The following THSD7B variants were observed in gnomAD, a reference collection of about 807,000 sequenced individuals.
THSD7B encodes thrombospondin type 1 domain containing 7B, also known as thrombospondin type-1 domain-containing protein 7B.
Under a neutral mutation model 213.6 loss-of-function variants are expected in THSD7B, and 138 were observed. The ratio of observed to expected loss-of-function variants is 0.65; its 90% confidence interval spans 0.56 to 0.74. The LOEUF is 0.74. THSD7B is among the 30% of genes least tolerant of loss of function. The pLI is 0.00. For missense variants in THSD7B, 1,931 were observed against 1,991.5 expected (o/e 0.97, Z 0.58); for synonymous variants, 742 against 687.0 (o/e 1.08, Z -1.25).
chr2:137,166,660 A>G (rs912548691), intron 6 of THSD7B, among the ~76,000 whole-genome samples: 14 of 152,206 alleles, frequency 9.2e-5, no homozygotes, highest in African/African-American at 3.1e-4. Flanking sequence ...ATGCTCTTAA[A>G]CAAATTAGAT....
intron 2 of THSD7B, among the ~76,000 whole-genome samples, chr2:137,027,282 G>A (rs1573774986): frequency 6.6e-6 from 1 of 152,242 alleles, no homozygotes; most frequent in East Asian, 1.9e-4. Flanking sequence ...TCTAGGGAAG[G>A]TCTTTCTGGT....
intron 15 of THSD7B, among the ~76,000 whole-genome samples, chr2:137,555,467 C>T (rs557707035): frequency 6.6e-6 from 1 of 152,326 alleles, no homozygotes; most frequent in African/African-American, 2.4e-5. Context: ...CTCCAACAGA[C>T]CTGCAGCTGA....
chr2:137,028,942 A>G (rs1347313358), intron 2 of THSD7B, among the ~76,000 whole-genome samples: 1 of 152,186 alleles, frequency 6.6e-6, no homozygotes, highest in Non-Finnish European at 1.5e-5. Flanking sequence ...CTCCAAGCAA[A>G]GAAAACCCCT....
rs560405717 is a variant in THSD7B, at chr2:137,254,916, G to T, written c.2266+12344G>T. ...GTGTGTATGTGTGTATGTCGAGACA[G>T]AGAAAGAGTGAGGGGGGGCTCTCAT... On this transcript the variant is annotated intron_variant, in intron 10 of 27. Transcript: ENST00000409968. 2.0e-5 allele frequency among the ~76,000 whole-genome samples: 3 copies of T among 152,068 alleles called. No individual in the cohort carries two copies. In the South Asian group the frequency reaches 6.2e-4, roughly 32 times the overall value.
At chr2:137,189,860 C>T (rs1450128499) in intron 7 of THSD7B, among the ~76,000 whole-genome samples, 1 of 152,072 alleles carries the variant, frequency 6.6e-6, no homozygotes, top group Non-Finnish European at 1.5e-5. Context: ...GTTGAGCTTC[C>T]TTCTTATATA....
At chr2:137,411,110 A>G (rs1686641829) in intron 13 of THSD7B, among the ~76,000 whole-genome samples, 1 of 152,244 alleles carries the variant, frequency 6.6e-6, no homozygotes, top group South Asian at 2.1e-4. Context: ...ATTTATTTCA[A>G]TTTATTGTTT....
intron 15 of THSD7B, among the ~76,000 whole-genome samples, chr2:137,451,308 T>A (rs1033701381): frequency 1.3e-5 from 2 of 151,732 alleles, no homozygotes; most frequent in African/African-American, 2.4e-5. Flanking sequence ...TTTGATATTT[T>A]AAAAGTTGGA....
intron 9 of THSD7B, among the ~76,000 whole-genome samples, chr2:137,236,094 T>G (rs1447386181): frequency 6.6e-6 from 1 of 152,164 alleles, no homozygotes; most frequent in African/African-American, 2.4e-5. Context: ...CAGAAATATA[T>G]TTTTGCTCTT....
intron 5 of THSD7B, among the ~76,000 whole-genome samples, chr2:137,145,599 G>A (rs1352208376): frequency 6.6e-6 from 1 of 151,958 alleles, no homozygotes; most frequent in Admixed American, 6.6e-5. Flanking sequence ...TCCATTGAGA[G>A]CCCCCCATGC....
chr2:136,864,818 T>C (rs1200985576), intron 1 of THSD7B, among the ~76,000 whole-genome samples: 7 of 152,148 alleles, frequency 4.6e-5, no homozygotes, highest in South Asian at 2.1e-4. Flanking sequence ...TCCCAAAGTG[T>C]TGGGATTACA....
chr2:137,235,134 G>A (rs1015231812), intron 9 of THSD7B, among the ~76,000 whole-genome samples: 1 of 152,126 alleles, frequency 6.6e-6, no homozygotes, highest in Non-Finnish European at 1.5e-5. Context: ...TTTTATAAAG[G>A]TGTTACGCAG....
chr2:136,851,271 A>G (rs1239092285), intron 1 of THSD7B, among the ~76,000 whole-genome samples: 1 of 152,068 alleles, frequency 6.6e-6, no homozygotes, highest in African/African-American at 2.4e-5. Context: ...CTCATCTGCT[A>G]TAAGTATTCT....
chr2:137,352,852 CT>C (rs907016182), intron 12 of THSD7B, among the ~76,000 whole-genome samples: 1 of 151,856 alleles, frequency 6.6e-6, no homozygotes, highest in African/African-American at 2.4e-5. Context: ...ATAAATTCCT[CT>C]TTTTAAAGCA....
intron 12 of THSD7B, among the ~76,000 whole-genome samples, chr2:137,370,513 G>C (rs1170202409): frequency 6.6e-6 from 1 of 152,152 alleles, no homozygotes; most frequent in Non-Finnish European, 1.5e-5. Flanking sequence ...CTGTTGCCCA[G>C]TCTGGAATGC....
At chr2:137,315,368 A>G (rs1280131712) in intron 12 of THSD7B, among the ~76,000 whole-genome samples, 2 of 152,088 alleles carry the variant, frequency 1.3e-5, no homozygotes, top group East Asian at 1.9e-4. Flanking sequence ...GCTTCGGCTC[A>G]TGCACAGTGC....
chr2:137,096,030 G>A (rs1238544230), intron 4 of THSD7B, among the ~76,000 whole-genome samples: 1 of 151,960 alleles, frequency 6.6e-6, no homozygotes, highest in East Asian at 1.9e-4. Context: ...CTTGATATTG[G>A]TTATACCTAT....
In THSD7B at chr2:137,074,563, T is replaced by C. The variant is rs186657218; in HGVS notation, c.950+17333T>C. On this transcript the variant is annotated intron_variant, in intron 3 of 27. Coordinates refer to ENST00000409968, the MANE Select transcript of THSD7B (RefSeq NM_001316349.2). ...CAATTTGCCAGTCTGTGTCTTTTAA[T>C]TGGAGCGTTTAGCCCATTTACATTT... is the stretch of plus-strand genomic sequence containing the variant. Among the ~76,000 whole-genome samples, 270 of 152,350 alleles carry C rather than the reference T, an allele frequency of 1.8e-3. 1 individual carries two copies. Among genetic ancestry groups the C allele is most frequent in the African/African-American group, 6.3e-3 (260 of 41,584 alleles).
intron 12 of THSD7B, among the ~76,000 whole-genome samples, chr2:137,383,529 G>C (rs1467271067): frequency 6.6e-6 from 1 of 152,182 alleles, no homozygotes; most frequent in East Asian, 1.9e-4. Context: ...GGCCGAGGCA[G>C]ACATCTGGTC....
At chr2:137,135,704 C>T (rs1005859998) in intron 5 of THSD7B, among the ~76,000 whole-genome samples, 1 of 152,110 alleles carries the variant, frequency 6.6e-6, no homozygotes, top group African/African-American at 2.4e-5. Flanking sequence ...ACTTTTAACC[C>T]ATCTCCATAG....
Sources: allele counts gnomAD v4.1 joint callset (sites outside exome capture counted in the v4.1 genomes callset), GRCh38; gene constraint gnomAD v4.1.1; transcripts MANE v1.5; gene names NCBI Gene and HGNC (gene_info 2026-07-23, HGNC 2026-07-21).